The following CTNNA3 variants were observed in gnomAD, a reference collection of about 807,000 sequenced individuals.
CTNNA3 encodes catenin alpha-3.
A neutral mutation model predicts 95.7 loss-of-function variants in CTNNA3; 76 were observed. That is an observed-to-expected ratio of 0.79 (90% CI 0.66 to 0.96). CTNNA3 has a LOEUF of 0.96. Ranked by LOEUF, CTNNA3 falls within the 40% of genes least tolerant of loss-of-function variation. The pLI, the probability that CTNNA3 is intolerant of heterozygous loss-of-function variation, is 0.00. For missense variants in CTNNA3, 1,191 were observed against 1,089.8 expected (o/e 1.09, Z -1.31); for synonymous variants, 431 against 374.4 (o/e 1.15, Z -1.74).
At chr10:66,311,339 A>G (rs1485404933) in intron 12 of CTNNA3, among the ~76,000 whole-genome samples, 1 of 152,238 alleles carries the variant, frequency 6.6e-6, no homozygotes, top group East Asian at 1.9e-4. Flanking sequence ...TAAAAGTAGC[A>G]TAAAGAGAGT....
chr10:66,935,105 A>C lies in CTNNA3; in HGVS notation c.1048-159581T>G, dbSNP rs977601107. On this transcript the variant is annotated intron_variant, in intron 7 of 17. Coordinates refer to ENST00000433211, the MANE Select transcript of CTNNA3 (RefSeq NM_013266.4). ...GATCTATGTACTTTCTAAAAGAAAG[A>C]ATATGCTTACCAACAGAGCCCTCAT... Among the ~76,000 whole-genome samples the C allele has an allele frequency of 1.3e-4, 20 of 152,096 alleles. 1 individual carries two copies. Among genetic ancestry groups the C allele is most frequent in the African/African-American group, 3.6e-4 (15 of 41,422 alleles).
intron 1 of CTNNA3, among the ~76,000 whole-genome samples, chr10:67,673,095 C>T (rs1301225532): frequency 6.6e-6 from 1 of 151,982 alleles, no homozygotes; most frequent in Non-Finnish European, 1.5e-5. Context: ...AAGTTGGATT[C>T]CCAGGTATTT....
intron 7 of CTNNA3, among the ~76,000 whole-genome samples, chr10:67,017,856 G>A (rs757462964): frequency 8.6e-5 from 13 of 151,918 alleles, no homozygotes; most frequent in Admixed American, 3.9e-4. Flanking sequence ...TGCAACCTCC[G>A]CCTCCAGGGT....
intron 5 of CTNNA3, among the ~76,000 whole-genome samples, chr10:67,232,076 G>A (rs529295952): frequency 2.0e-5 from 3 of 152,016 alleles, no homozygotes; most frequent in African/African-American, 7.2e-5. Flanking sequence ...AACCAAGTTG[G>A]AAAACACTCT....
At chr10:67,011,454 G>A (rs1852333550) in intron 7 of CTNNA3, among the ~76,000 whole-genome samples, 1 of 151,832 alleles carries the variant, frequency 6.6e-6, no homozygotes, top group African/African-American at 2.4e-5. Context: ...TACCCATAGA[G>A]TGCAATTAGG....
At chr10:67,335,890 T>C (rs1415229636) in intron 5 of CTNNA3, among the ~76,000 whole-genome samples, 1 of 149,192 alleles carries the variant, frequency 6.7e-6, no homozygotes, top group East Asian at 1.9e-4. Context: ...AATAGTGTTT[T>C]TTTTTTTTTT....
intron 7 of CTNNA3, among the ~76,000 whole-genome samples, chr10:66,978,993 C>G (rs1212647696): frequency 1.9e-5 from 2 of 104,126 alleles, no homozygotes; most frequent in East Asian, 6.7e-4. Flanking sequence ...TTGAGACAGT[C>G]TTGCTCTGCC....
At chr10:67,390,315 T>C (rs936180567) in intron 5 of CTNNA3, among the ~76,000 whole-genome samples, 9 of 152,136 alleles carry the variant, frequency 5.9e-5, no homozygotes, top group Non-Finnish European at 1.0e-4. Flanking sequence ...AAGAAATGGA[T>C]AAATTCCTCG....
intron 13 of CTNNA3, among the ~76,000 whole-genome samples, chr10:66,129,404 A>T (rs2082981229): frequency 6.6e-6 from 1 of 152,182 alleles, no homozygotes; most frequent in Non-Finnish European, 1.5e-5. Context: ...AGCTGCTTAG[A>T]GAAGTGGTAG....
intron 16 of CTNNA3, among the ~76,000 whole-genome samples, chr10:65,986,699 G>GA (rs34970451): frequency 0.26 from 39,160 of 148,304 alleles, 5,558 homozygotes; most frequent in Non-Finnish European, 0.33. Flanking sequence ...TACATAGATA[G>GA]AAAAAAAAAA....
chr10:67,452,060 AT>A (rs1161077030), intron 5 of CTNNA3, among the ~76,000 whole-genome samples: 13 of 122,202 alleles, frequency 1.1e-4, no homozygotes, highest in African/African-American at 2.9e-4. Flanking sequence ...GGAGGGAGGA[AT>A]GGAAGGAAGG....
At chr10:65,935,861 T>C (rs957578816) in intron 17 of CTNNA3, among the ~76,000 whole-genome samples, 2 of 152,120 alleles carry the variant, frequency 1.3e-5, no homozygotes, top group East Asian at 1.9e-4. Context: ...GGGTGAACTT[T>C]TATGGATAAT....
chr10:67,021,400 T>A (rs772020469), intron 7 of CTNNA3, among the ~76,000 whole-genome samples: 41 of 152,242 alleles, frequency 2.7e-4, no homozygotes, highest in Non-Finnish European at 4.4e-4. Context: ...TTTGATATTT[T>A]AAAAGTCATA....
intron 16 of CTNNA3, among the ~76,000 whole-genome samples, chr10:65,972,594 C>CAAAT (rs889356193): frequency 5.9e-5 from 9 of 151,790 alleles, no homozygotes; most frequent in South Asian, 2.1e-4. Flanking sequence ...ACAATAGCTG[C>CAAAT]AAATAAATAA....
intron 9 of CTNNA3, among the ~76,000 whole-genome samples, chr10:66,657,054 G>T (rs1846096563): frequency 6.6e-6 from 1 of 152,050 alleles, no homozygotes; most frequent in East Asian, 1.9e-4. Context: ...TGTTTCTGAT[G>T]CAGTGCCAGT....
chr10:66,349,972 T>C, intron 12 of CTNNA3, among the ~76,000 whole-genome samples: 1 of 152,052 alleles, frequency 6.6e-6, no homozygotes, highest in South Asian at 2.1e-4. Flanking sequence ...AACAAATGAG[T>C]GGACCATTAC....
rs142688777 is a variant in CTNNA3, at chr10:66,887,581, C to T, written c.1048-112057G>A. On this transcript the variant is annotated intron_variant, in intron 7 of 17. Coordinates refer to ENST00000433211, the MANE Select transcript of CTNNA3 (RefSeq NM_013266.4). ...AACAATTCATCAGGGCCAATGTACC[C>T]GAGAACTAGAGACCAACAGCCCAAA... Among the ~76,000 whole-genome samples, 14 of 151,682 alleles carry T rather than the reference C, an allele frequency of 9.2e-5. No individual in the cohort carries two copies. In the South Asian group the frequency reaches 1.2e-3, roughly 14 times the overall value.
chr10:66,556,266 A>G (rs1164885638), intron 10 of CTNNA3, among the ~76,000 whole-genome samples: 2 of 152,036 alleles, frequency 1.3e-5, no homozygotes, highest in African/African-American at 4.8e-5. Flanking sequence ...TGTTAATGGG[A>G]ATGGAAATCA....
intron 6 of CTNNA3, among the ~76,000 whole-genome samples, chr10:67,198,467 C>T (rs918397056): frequency 3.9e-5 from 6 of 152,012 alleles, no homozygotes; most frequent in Non-Finnish European, 7.4e-5. Context: ...AGAAGCAAGT[C>T]TTATGTGGCT....
Sources: allele counts gnomAD v4.1 joint callset (sites outside exome capture counted in the v4.1 genomes callset), GRCh38; gene constraint gnomAD v4.1.1; transcripts MANE v1.5; gene names NCBI Gene and HGNC (gene_info 2026-07-23, HGNC 2026-07-21).